The following PNLIPRP3 variants were observed in gnomAD, a reference collection of about 807,000 sequenced individuals.
PNLIPRP3 encodes the protein pancreatic lipase related protein 3.
A neutral mutation model predicts 52.8 loss-of-function variants in PNLIPRP3; 58 were observed. That is an observed-to-expected ratio of 1.10 (90% CI 0.89 to 1.37). The LOEUF (loss-of-function observed/expected upper bound fraction) is 1.37, where lower values mean the gene tolerates loss of function less well. Ranked by LOEUF, PNLIPRP3 falls within the 40% of genes most tolerant of loss-of-function variation. The pLI, the probability that PNLIPRP3 is intolerant of heterozygous loss-of-function variation, is 0.00. For missense variants in PNLIPRP3, 593 were observed against 561.6 expected (o/e 1.06, Z -0.57); for synonymous variants, 192 against 185.0 (o/e 1.04, Z -0.31).
intron 2 of PNLIPRP3, among the ~76,000 whole-genome samples, chr10:116,440,472 G>A (rs900942950): frequency 6.6e-6 from 1 of 152,180 alleles, no homozygotes; most frequent in South Asian, 2.1e-4. Flanking sequence ...CCTATTGTTT[G>A]CTGTTAAAGT....
chr10:116,462,009 C>A (rs2133145736), intron 7 of PNLIPRP3, among the ~76,000 whole-genome samples: 1 of 152,218 alleles, frequency 6.6e-6, no homozygotes, highest in South Asian at 2.1e-4. Flanking sequence ...GGCAATAACA[C>A]AGGACTTTGT....
At position 116,477,792 on chromosome 10, in the gene PNLIPRP3, G is replaced by A. The variant is rs1287115620; in HGVS notation, c.*639G>A. 1 of 152,110 alleles carries A rather than the reference G, an allele frequency of 6.6e-6. No homozygotes were observed. The highest frequency in any genetic ancestry group is 2.4e-5 in the African/African-American group (1 of 41,434). The allele number at this position is 152,110 out of a possible 1,614,324, so 9.4% of individuals were successfully genotyped here. On this transcript the variant is annotated 3_prime_UTR_variant, in exon 12 of 12. Transcript: ENST00000369230. ...ATGGGACCTGAAGTTCAACAACCCA[G>A]GGTATAGCCCCCTTCCTCCAAAGTC...
chr10:116,477,414 T>C lies in PNLIPRP3; in HGVS notation c.*261T>C, dbSNP rs753876488. On this transcript the variant is annotated 3_prime_UTR_variant, in exon 12 of 12. Coordinates refer to ENST00000369230, the MANE Select transcript of PNLIPRP3 (RefSeq NM_001011709.3). ...GGATATCATTGACAAAATAGAGCTG[T>C]TTTGGAATTTTCCTGAATAAGAGGA... 5.2e-5 allele frequency: 14 copies of C among 268,946 alleles called. No homozygotes were observed. The highest frequency in any genetic ancestry group is 2.1e-4 in the Admixed American group (4 of 19,290). The allele number at this position is 268,946 out of a possible 1,614,324, so 16.7% of individuals were successfully genotyped here.
In PNLIPRP3 at chr10:116,436,665, T is replaced by C. The variant is rs747538753; in HGVS notation, c.50-46T>C. The C allele has an allele frequency of 6.5e-6, 10 of 1,528,998 alleles. No individual in the cohort carries two copies. In the East Asian group the frequency reaches 2.0e-4, roughly 31 times the overall value. 94.7% of individuals were successfully genotyped at this position (1,528,998 alleles called of 1,614,324 possible). ...CTCATAGTGAGAAACACAGCCTCTCTCTAAGCCTGGTTCCTCTATACTGAC... is the reference window on the plus strand; with the variant it reads ...CTCATAGTGAGAAACACAGCCTCTCCCTAAGCCTGGTTCCTCTATACTGAC... On this transcript the variant is annotated intron_variant, in intron 1 of 11. Coordinates refer to ENST00000369230, the MANE Select transcript of PNLIPRP3 (RefSeq NM_001011709.3).
intron 1 of PNLIPRP3, among the ~76,000 whole-genome samples, chr10:116,434,116 A>G (rs1315132591): frequency 6.6e-6 from 1 of 152,206 alleles, no homozygotes; most frequent in Non-Finnish European, 1.5e-5. Flanking sequence ...GTAGTAAGAC[A>G]AAAAGAAAAA....
Position 116,477,349 on chromosome 10 carries a change from C to T in PNLIPRP3, c.*196C>T. ...AACTGCACCTTAAAAACACACTGAA[C>T]CCTGGGACAAAAGATAATTACTATG... On this transcript the variant is annotated 3_prime_UTR_variant, in exon 12 of 12. Coordinates refer to ENST00000369230, the MANE Select transcript of PNLIPRP3 (RefSeq NM_001011709.3). The T allele has an allele frequency of 2.4e-6, 1 of 421,496 alleles. No homozygotes were observed. The highest frequency in any genetic ancestry group is 4.2e-6 in the Non-Finnish European group (1 of 239,934). 26.1% of individuals were successfully genotyped at this position (421,496 alleles called of 1,614,324 possible).
chr10:116,451,979 T>G (rs1846047496), intron 4 of PNLIPRP3, among the ~76,000 whole-genome samples: 2 of 152,218 alleles, frequency 1.3e-5, no homozygotes, highest in Admixed American at 6.5e-5. Flanking sequence ...AGGGAAAGTT[T>G]GAAACTTCTT....
chr10:116,477,069 T>C, intron 11 of PNLIPRP3, 21 bp from the exon 12 acceptor site: 1 of 1,553,936 alleles, frequency 6.4e-7, no homozygotes, highest in Non-Finnish European at 8.8e-7. Context: ...ATTCCTTTTT[T>C]TTTTCCTTAA....
intron 8 of PNLIPRP3, among the ~76,000 whole-genome samples, chr10:116,467,863 C>G (rs918080337): frequency 2.0e-5 from 3 of 151,884 alleles, no homozygotes; most frequent in Non-Finnish European, 4.4e-5. Context: ...CGGTGGCTCA[C>G]GCTTGTAATC....
intron 1 of PNLIPRP3, among the ~76,000 whole-genome samples, chr10:116,429,169 TAAAAC>T (rs1332418857): frequency 6.6e-6 from 1 of 152,132 alleles, no homozygotes; most frequent in African/African-American, 2.4e-5. Context: ...TACAAATACT[TAAAAC>T]AAACTTTGTT....
At chr10:116,455,935 C>T (rs1381450942) in intron 5 of PNLIPRP3, 105 bp downstream of exon 5, 2 of 799,334 alleles carry the variant, frequency 2.5e-6, no homozygotes, top group East Asian at 2.7e-5. Context: ...ATATAAGATA[C>T]TACAAAATGT....
intron 4 of PNLIPRP3, among the ~76,000 whole-genome samples, chr10:116,455,175 C>T (rs1332794991): frequency 3.9e-5 from 6 of 152,176 alleles, no homozygotes; most frequent in Non-Finnish European, 1.5e-5. Flanking sequence ...TGTATGTCTT[C>T]TTTTGATAAC....
At chr10:116,455,867 A>AAAC in intron 5 of PNLIPRP3, 37 bp downstream of exon 5, 1 of 1,486,836 alleles carries the variant, frequency 6.7e-7, no homozygotes, top group Non-Finnish European at 9.4e-7. Flanking sequence ...GAGTGTGTTT[A>AAAC]AATATTGTTT....
chr10:116,456,783 C>T (rs1285138580), intron 5 of PNLIPRP3, among the ~76,000 whole-genome samples: 1 of 152,198 alleles, frequency 6.6e-6, no homozygotes, highest in Non-Finnish European at 1.5e-5. Flanking sequence ...CATCCCCCCA[C>T]CAACAGCCAG....
chr10:116,464,363 CACCAGCCAGAG>C (rs1846244773), intron 7 of PNLIPRP3, among the ~76,000 whole-genome samples: 1 of 152,188 alleles, frequency 6.6e-6, no homozygotes, highest in Admixed American at 6.5e-5. Context: ...CATGCTGCTT[CACCAGCCAGAG>C]ACCTCCACAG....
At chr10:116,432,280 A>G (rs942785458) in intron 1 of PNLIPRP3, among the ~76,000 whole-genome samples, 3 of 152,090 alleles carry the variant, frequency 2.0e-5, no homozygotes, top group African/African-American at 4.8e-5. Context: ...TAGAGAAGTG[A>G]CTCCTTTAGA....
At chr10:116,446,765 C>G (rs1845959072) in intron 4 of PNLIPRP3, among the ~76,000 whole-genome samples, 1 of 152,116 alleles carries the variant, frequency 6.6e-6, no homozygotes, top group Non-Finnish European at 1.5e-5. Flanking sequence ...AATATAAAAC[C>G]AGCTACAACG....
chr10:116,467,469 A>G (rs1025424009), intron 8 of PNLIPRP3, among the ~76,000 whole-genome samples: 2 of 152,204 alleles, frequency 1.3e-5, no homozygotes, highest in African/African-American at 4.8e-5. Flanking sequence ...GGTTTATTAA[A>G]TTAAAAGTTC....
intron 2 of PNLIPRP3, among the ~76,000 whole-genome samples, chr10:116,442,107 C>T (rs1437510453): frequency 1.3e-5 from 2 of 152,160 alleles, no homozygotes; most frequent in South Asian, 2.1e-4. Flanking sequence ...CACTGTCAGA[C>T]TTGCTATTTG....
Sources: gnomAD v4.1 joint callset for allele counts (sites outside exome capture counted in the v4.1 genomes callset) on GRCh38, gnomAD v4.1.1 for gene constraint, MANE v1.5 for transcripts, NCBI Gene and HGNC (gene_info 2026-07-23, HGNC 2026-07-21) for gene names.